The following TMCC1 variants were observed in gnomAD, a reference collection of about 807,000 sequenced individuals.
The protein encoded by TMCC1 is transmembrane and coiled-coil domains protein 1.
A neutral mutation model predicts 52.4 loss-of-function variants in TMCC1; 15 were observed. That is an observed-to-expected ratio of 0.29 (90% CI 0.19 to 0.44). The LOEUF is 0.44. TMCC1 is among the 20% of genes least tolerant of loss of function. The pLI is 1.00. For synonymous variants in TMCC1, 279 were observed against 301.9 expected (o/e 0.92, Z 0.79); for missense variants, 503 against 806.0 (o/e 0.62, Z 4.55).
At chr3:129,711,923 A>T (rs985598384) in intron 4 of TMCC1, among the ~76,000 whole-genome samples, 1 of 145,512 alleles carries the variant, frequency 6.9e-6, no homozygotes, top group Non-Finnish European at 1.5e-5. Context: ...AATCGCTTGA[A>T]TCCAGGAGGC....
At chr3:129,664,103 G>T (rs75204081) in intron 5 of TMCC1, among the ~76,000 whole-genome samples, 12,276 of 152,198 alleles carry the variant, frequency 0.081, 653 homozygotes, top group East Asian at 0.17. Context: ...TTTTATGGAA[G>T]ATTGTATACG....
chr3:129,805,690 T>C (rs1292336631), intron 4 of TMCC1, among the ~76,000 whole-genome samples: 1 of 152,110 alleles, frequency 6.6e-6, no homozygotes, highest in Non-Finnish European at 1.5e-5. Context: ...CCCAATACTT[T>C]GGGAGGCTGA....
Position 129,725,397 on chromosome 3 carries a change from C to T in TMCC1, c.577-54133G>A, listed in dbSNP as rs1250507462. Among the ~76,000 whole-genome samples the T allele has an allele frequency of 9.2e-5, 14 of 152,170 alleles. 1 individual carries two copies. Among genetic ancestry groups the T allele is most frequent in the Admixed American group, 9.2e-4 (14 of 15,272 alleles). ...GTGTTGGGATTACAGATGTGAGCCA[C>T]TGTGCGCGGCCTAATCGTACAATTT... On this transcript the variant is annotated intron_variant, in intron 4 of 6. Transcript: ENST00000393238.
At chr3:129,705,750 G>A (rs1162161261) in intron 4 of TMCC1, among the ~76,000 whole-genome samples, 4 of 151,298 alleles carry the variant, frequency 2.6e-5, no homozygotes, top group African/African-American at 9.7e-5. Context: ...CCGCCACCAC[G>A]CCCACCTAAT....
intron 5 of TMCC1, among the ~76,000 whole-genome samples, chr3:129,669,244 AT>A (rs988365037): frequency 2.6e-5 from 4 of 152,182 alleles, no homozygotes; most frequent in African/African-American, 9.7e-5. Context: ...ATATTAAAAG[AT>A]TATCTGTTCA....
At chr3:129,671,880 G>A (rs942943995) in intron 4 of TMCC1, among the ~76,000 whole-genome samples, 1 of 152,152 alleles carries the variant, frequency 6.6e-6, no homozygotes, top group Non-Finnish European at 1.5e-5. Flanking sequence ...GGCAAGATGG[G>A]AAAGTAACTG....
intron 4 of TMCC1, among the ~76,000 whole-genome samples, chr3:129,813,873 T>C (rs1228197361): frequency 1.3e-5 from 2 of 152,140 alleles, no homozygotes; most frequent in East Asian, 1.9e-4. Flanking sequence ...ATAGTACTTA[T>C]ATATGTTAAA....
chr3:129,714,287 G>T (rs2048909223), intron 4 of TMCC1, among the ~76,000 whole-genome samples: 1 of 152,124 alleles, frequency 6.6e-6, no homozygotes, highest in African/African-American at 2.4e-5. Context: ...TATATATTTT[G>T]CACTTTGATA....
chr3:129,806,886 AAGAC>A (rs369267440), intron 4 of TMCC1, among the ~76,000 whole-genome samples: 258 of 152,240 alleles, frequency 1.7e-3, no homozygotes, highest in African/African-American at 6.0e-3. Context: ...ATTAGAACAA[AAGAC>A]AGAGAGAAAA....
At chr3:129,867,519 C>A (rs1051407016) in intron 2 of TMCC1, among the ~76,000 whole-genome samples, 2 of 152,142 alleles carry the variant, frequency 1.3e-5, no homozygotes, top group Non-Finnish European at 2.9e-5. Context: ...CTTAACAATA[C>A]CATTAGTATT....
At chr3:129,680,569 T>G (rs992294136) in intron 4 of TMCC1, among the ~76,000 whole-genome samples, 1 of 152,072 alleles carries the variant, frequency 6.6e-6, no homozygotes, top group African/African-American at 2.4e-5. Context: ...CACTACCACT[T>G]GAGCAGCAGA....
chr3:129,716,171 T>C (rs1485007681), intron 4 of TMCC1, among the ~76,000 whole-genome samples: 4 of 150,686 alleles, frequency 2.7e-5, no homozygotes, highest in South Asian at 2.1e-4. Flanking sequence ...TCTTTGTTTT[T>C]TTTTTTTTGA....
intron 2 of TMCC1, among the ~76,000 whole-genome samples, chr3:129,863,958 G>A (rs2107939843): frequency 6.6e-6 from 1 of 152,176 alleles, no homozygotes; most frequent in Non-Finnish European, 1.5e-5. Flanking sequence ...CCATGTCCTT[G>A]TTCTCAAAAG....
intron 4 of TMCC1, among the ~76,000 whole-genome samples, chr3:129,810,201 T>C (rs1018877024): frequency 6.6e-5 from 10 of 151,970 alleles, no homozygotes; most frequent in African/African-American, 2.2e-4. Flanking sequence ...TACAAAAACA[T>C]ACAAAAATTA....
chr3:129,666,945 A>G (rs2087506803), intron 5 of TMCC1, among the ~76,000 whole-genome samples: 1 of 151,484 alleles, frequency 6.6e-6, no homozygotes, highest in African/African-American at 2.4e-5. Context: ...TCTGTCACCC[A>G]GGCTGGAGTG....
chr3:129,832,020 A>G (rs2058940856), intron 3 of TMCC1, among the ~76,000 whole-genome samples: 1 of 151,922 alleles, frequency 6.6e-6, no homozygotes. Flanking sequence ...ACAGCTGGCT[A>G]ATTTTTGTAT....
intron 4 of TMCC1, among the ~76,000 whole-genome samples, chr3:129,720,728 T>C (rs1242682427): frequency 6.6e-6 from 1 of 152,162 alleles, no homozygotes; most frequent in Non-Finnish European, 1.5e-5. Context: ...ACAGTCTCAC[T>C]CTGTCACCCA....
chr3:129,800,865 G>T (rs913193759), intron 4 of TMCC1, among the ~76,000 whole-genome samples: 3 of 150,278 alleles, frequency 2.0e-5, no homozygotes, highest in African/African-American at 7.3e-5. Context: ...TTATATAAAT[G>T]AAATAGTTAC....
chr3:129,832,700 T>C (rs1195335897), intron 3 of TMCC1, 74 bp downstream of exon 3: 1 of 152,234 alleles, frequency 6.6e-6, no homozygotes, highest in Admixed American at 6.5e-5. Flanking sequence ...TTGATAAATA[T>C]GGTGACCAAA....
Sources: gnomAD v4.1 joint callset for allele counts (sites outside exome capture counted in the v4.1 genomes callset) on GRCh38, gnomAD v4.1.1 for gene constraint, MANE v1.5 for transcripts, NCBI Gene and HGNC (gene_info 2026-07-23, HGNC 2026-07-21) for gene names.